ZNF704: variants seen among roughly 807,000 people sequenced by gnomAD.
ZNF704 encodes the protein glucocorticoid induced gene 1.
A neutral mutation model predicts 44.7 loss-of-function variants in ZNF704; 10 were observed. The ratio of observed to expected loss-of-function variants is 0.22; its 90% CI spans 0.14 to 0.38. The LOEUF is 0.38. Ranked by LOEUF, ZNF704 falls within the 10% of genes least tolerant of loss-of-function variation. The pLI is 1.00. For missense variants in ZNF704, 390 were observed against 545.5 expected, an observed-to-expected ratio of 0.71 and a Z score of 2.84; for synonymous variants, 211 against 207.6, an observed-to-expected ratio of 1.02 and a Z score of -0.14.
chr8:80,877,017 G>C (rs1809363936), upstream of ZNF704, among the ~76,000 whole-genome samples: 1 of 151,980 alleles, frequency 6.6e-6, no homozygotes, highest in Non-Finnish European at 1.5e-5. Flanking sequence ...AAATGAATTG[G>C]TGATTGGCAT....
intron 7 of ZNF704, among the ~76,000 whole-genome samples, chr8:80,644,012 G>T (rs1817787738): frequency 6.6e-6 from 1 of 152,118 alleles, no homozygotes; most frequent in South Asian, 2.1e-4. Context: ...AGGAATAAAG[G>T]CAAGAGGCAG....
At chr8:80,832,667 A>G (rs1808489860) in intron 1 of ZNF704, among the ~76,000 whole-genome samples, 1 of 152,118 alleles carries the variant, frequency 6.6e-6, no homozygotes, top group Non-Finnish European at 1.5e-5. Flanking sequence ...GTAAAAAAGT[A>G]GTTTAGAAAT....
intron 1 of ZNF704, among the ~76,000 whole-genome samples, chr8:80,827,552 C>G (rs1410314191): frequency 6.6e-6 from 1 of 152,076 alleles, no homozygotes; most frequent in Non-Finnish European, 1.5e-5. Flanking sequence ...ACTTTCTTCA[C>G]AGAATTGGAA....
chr8:80,793,385 T>G (rs906913092), intron 2 of ZNF704, among the ~76,000 whole-genome samples: 1 of 152,110 alleles, frequency 6.6e-6, no homozygotes, highest in African/African-American at 2.4e-5. Flanking sequence ...ATGGGAGAGA[T>G]AAACCCCAAA....
chr8:80,762,667 C>T (rs1048972162), intron 2 of ZNF704, among the ~76,000 whole-genome samples: 2 of 152,172 alleles, frequency 1.3e-5, no homozygotes, highest in African/African-American at 4.8e-5. Context: ...CCTGGCCCCT[C>T]TCAAATCTCA....
intron 1 of ZNF704, among the ~76,000 whole-genome samples, chr8:80,849,842 C>T (rs1326787103): frequency 1.3e-5 from 2 of 152,154 alleles, no homozygotes; most frequent in African/African-American, 4.8e-5. Context: ...ACATTAGGGG[C>T]TAGTTTTTTA....
intron 2 of ZNF704, among the ~76,000 whole-genome samples, chr8:80,720,405 G>A (rs1819145631): frequency 6.6e-6 from 1 of 152,212 alleles, no homozygotes; most frequent in African/African-American, 2.4e-5. Context: ...TATAGGCAAT[G>A]CTAAAATATG....
intron 1 of ZNF704, among the ~76,000 whole-genome samples, chr8:80,856,573 T>G (rs1246120270): frequency 1.3e-5 from 2 of 152,190 alleles, no homozygotes; most frequent in Non-Finnish European, 2.9e-5. Flanking sequence ...ATTGAGGGTT[T>G]GTTTGTTTTT....
intron 2 of ZNF704, among the ~76,000 whole-genome samples, chr8:80,765,323 C>A (rs1182610577): frequency 6.6e-6 from 1 of 152,174 alleles, no homozygotes; most frequent in Non-Finnish European, 1.5e-5. Context: ...ACCTGGTCCA[C>A]TCCGACTCAC....
chr8:80,677,314 A>G (rs958842616), intron 4 of ZNF704, among the ~76,000 whole-genome samples: 8 of 152,222 alleles, frequency 5.3e-5, no homozygotes, highest in African/African-American at 1.7e-4. Context: ...TTGCAATAAT[A>G]TGTCAAGCAT....
At chr8:80,763,667 T>C (rs1310153933) in intron 2 of ZNF704, among the ~76,000 whole-genome samples, 3 of 152,232 alleles carry the variant, frequency 2.0e-5, no homozygotes, top group Admixed American at 2.0e-4. Flanking sequence ...TTCATGGCTA[T>C]TAACATTCGG....
intron 1 of ZNF704, among the ~76,000 whole-genome samples, chr8:80,834,238 G>T (rs935062313): frequency 1.3e-5 from 2 of 152,018 alleles, no homozygotes; most frequent in Non-Finnish European, 2.9e-5. Context: ...AGGTACAGTG[G>T]GGATGCAAAT....
intron 2 of ZNF704, among the ~76,000 whole-genome samples, chr8:80,725,503 T>C (rs1311056144): frequency 2.0e-5 from 3 of 152,128 alleles, no homozygotes; most frequent in Non-Finnish European, 4.4e-5. Context: ...ACAAAGATTA[T>C]GCCAAATTGT....
At chr8:80,873,435 TCCCCGGCGCCGCTGA>T (rs1809292977) in intron 1 of ZNF704, 1 of 151,818 alleles carries the variant, frequency 6.6e-6, no homozygotes, top group African/African-American at 2.4e-5. Flanking sequence ...GCCGGGTCTC[TCCCCGGCGCCGCTGA>T]CCGTCCTCGG....
intron 7 of ZNF704, among the ~76,000 whole-genome samples, chr8:80,645,560 C>A (rs950981726): frequency 6.6e-6 from 1 of 151,944 alleles, no homozygotes. Flanking sequence ...TTGGACCATT[C>A]CCTTGGTGAT....
intron 2 of ZNF704, among the ~76,000 whole-genome samples, chr8:80,820,683 T>C (rs1808255155): frequency 6.6e-6 from 1 of 152,070 alleles, no homozygotes; most frequent in Non-Finnish European, 1.5e-5. Context: ...GGAGAATCGC[T>C]TGAGCTCAGG....
At chr8:80,707,635 C>T (rs1818917946) in intron 2 of ZNF704, among the ~76,000 whole-genome samples, 2 of 152,164 alleles carry the variant, frequency 1.3e-5, no homozygotes, top group Non-Finnish European at 2.9e-5. Context: ...TATGGTTCAG[C>T]CTGATATTTG....
chr8:80,649,913 C>G (rs1003382908), intron 7 of ZNF704, among the ~76,000 whole-genome samples: 1 of 152,200 alleles, frequency 6.6e-6, no homozygotes, highest in African/African-American at 2.4e-5. Context: ...AGGCATCCCC[C>G]AGTAGGGGCA....
In ZNF704 at chr8:80,637,511, G is replaced by T. The variant is rs1410152837; in HGVS notation, c.*3855C>A. 1 of 152,210 alleles carries T rather than the reference G, an allele frequency of 6.6e-6. No homozygotes were observed. The highest frequency in any genetic ancestry group is 1.5e-5 in the Non-Finnish European group (1 of 68,038). 9.4% of individuals were successfully genotyped at this position (152,210 alleles called of 1,614,324 possible). On this transcript the variant is annotated 3_prime_UTR_variant, in exon 9 of 9. Coordinates refer to ENST00000327835, the MANE Select transcript of ZNF704 (RefSeq NM_001033723.3). The stretch of plus-strand genomic sequence containing the variant: ...GCTGCTTTCAAAAGTGTGTCTTAGT[G>T]TGACACCAGAAACAGCAGACTTAAA...
Sources: gnomAD v4.1 joint callset for allele counts (sites outside exome capture counted in the v4.1 genomes callset) on GRCh38, gnomAD v4.1.1 for gene constraint, MANE v1.5 for transcripts, NCBI Gene and HGNC (gene_info 2026-07-23, HGNC 2026-07-21) for gene names.